CFAP61: variants seen among roughly 807,000 people sequenced by gnomAD.
CFAP61 encodes cilia and flagella associated protein 61.
In CFAP61, 107 loss-of-function variants were observed where a neutral mutation model predicts 135.6. That is an observed-to-expected ratio of 0.79 (90% CI 0.67 to 0.93). The LOEUF is 0.93. CFAP61 is among the 40% of genes least tolerant of loss of function. CFAP61 has a pLI of 0.00. For synonymous variants in CFAP61, 575 were observed against 578.5 expected (o/e 0.99, Z 0.09); for missense variants, 1,507 against 1,556.2 (o/e 0.97, Z 0.53).
At chr20:20,106,014 A>ATG (rs2048370779) in intron 8 of CFAP61, among the ~76,000 whole-genome samples, 2 of 26,482 alleles carry the variant, frequency 7.6e-5, no homozygotes, top group Non-Finnish European at 1.6e-4. Context: ...ATATATATAT[A>ATG]TATATATATA....
chr20:20,240,926 G>T (rs1330562707), intron 18 of CFAP61, among the ~76,000 whole-genome samples: 1 of 152,138 alleles, frequency 6.6e-6, no homozygotes, highest in Non-Finnish European at 1.5e-5. Flanking sequence ...GAGCTACCTT[G>T]AACCTGAGGT....
At chr20:20,118,998 AATGTGTT>A (rs1170256954) in intron 8 of CFAP61, among the ~76,000 whole-genome samples, 1 of 151,794 alleles carries the variant, frequency 6.6e-6, no homozygotes, top group African/African-American at 2.4e-5. Flanking sequence ...TGATATCTTT[AATGTGTT>A]ATGGAATTTG....
chr20:20,170,312 A>G (rs983464526), intron 13 of CFAP61, among the ~76,000 whole-genome samples: 2 of 152,234 alleles, frequency 1.3e-5, no homozygotes, highest in African/African-American at 2.4e-5. Context: ...ACCTGATTTT[A>G]TTAAAATGTA....
intron 17 of CFAP61, among the ~76,000 whole-genome samples, chr20:20,219,179 AC>A (rs1490735875): frequency 6.6e-6 from 1 of 152,186 alleles, no homozygotes; most frequent in Non-Finnish European, 1.5e-5. Flanking sequence ...GATAAAACTT[AC>A]CCACTCTGTC....
At chr20:20,294,598 A>T (rs1401214836) in intron 24 of CFAP61, among the ~76,000 whole-genome samples, 1 of 152,154 alleles carries the variant, frequency 6.6e-6, no homozygotes, top group African/African-American at 2.4e-5. Context: ...CTTACAGAGG[A>T]GGCCAAAATA....
At chr20:20,279,090 G>A (rs1301784945) in intron 22 of CFAP61, among the ~76,000 whole-genome samples, 1 of 152,190 alleles carries the variant, frequency 6.6e-6, no homozygotes, top group Non-Finnish European at 1.5e-5. Flanking sequence ...CTCTAGAGGT[G>A]AGTGTGTGCC....
chr20:20,281,786 G>A (rs561642586), intron 22 of CFAP61, among the ~76,000 whole-genome samples: 1 of 152,086 alleles, frequency 6.6e-6, no homozygotes, highest in East Asian at 1.9e-4. Context: ...AAAAATTCGG[G>A]CAATGTTCCC....
At chr20:20,169,519 C>T (rs1748462344) in intron 13 of CFAP61, 59 bp downstream of exon 13, 6 of 1,367,730 alleles carry the variant, frequency 4.4e-6, no homozygotes, top group Non-Finnish European at 5.8e-6. Flanking sequence ...GAGAAGGGAA[C>T]AAGGAACTCC....
intron 6 of CFAP61, among the ~76,000 whole-genome samples, chr20:20,081,195 A>G (rs1255978714): frequency 6.6e-6 from 1 of 152,230 alleles, no homozygotes; most frequent in Non-Finnish European, 1.5e-5. Context: ...ATGTTCCTAC[A>G]AAGTAGGCAA....
At chr20:20,134,643 T>C (rs555758280) in intron 8 of CFAP61, among the ~76,000 whole-genome samples, 1 of 152,312 alleles carries the variant, frequency 6.6e-6, no homozygotes, top group Admixed American at 6.5e-5. Context: ...GGAGGTATTT[T>C]AGATAATTAA....
intron 18 of CFAP61, among the ~76,000 whole-genome samples, chr20:20,235,108 C>A (rs1265130793): frequency 6.6e-6 from 1 of 152,080 alleles, no homozygotes; most frequent in Non-Finnish European, 1.5e-5. Flanking sequence ...ACTGGGGGAG[C>A]CGGAGGTGCT....
chr20:20,075,455 A>G, intron 5 of CFAP61, 34 bp from the exon 6 acceptor site: 1 of 1,610,436 alleles, frequency 6.2e-7, no homozygotes, highest in Non-Finnish European at 8.5e-7. Flanking sequence ...TTTCTTGATA[A>G]ATAAGGACAT....
At position 20,222,872 on chromosome 20, in the gene CFAP61, C is replaced by T. The variant is rs557668122; in HGVS notation, c.1933-5377C>T. Among the ~76,000 whole-genome samples, 16 of 152,122 alleles carry T rather than the reference C, an allele frequency of 1.1e-4. No homozygotes were observed. In the South Asian group the frequency reaches 2.7e-3, roughly 26 times the overall value. On this transcript the variant is annotated intron_variant, in intron 17 of 26. Transcript: ENST00000245957. ...ATTTGTTTTGCTCAAATTGGGAAAACGAGAGTTTCTCAAGGAGAAAAGAGA... is the reference window on the plus strand; with the variant it reads ...ATTTGTTTTGCTCAAATTGGGAAAATGAGAGTTTCTCAAGGAGAAAAGAGA...
At chr20:20,279,904 G>A (rs1470414337) in intron 22 of CFAP61, among the ~76,000 whole-genome samples, 1 of 152,094 alleles carries the variant, frequency 6.6e-6, no homozygotes, top group Non-Finnish European at 1.5e-5. Flanking sequence ...ATGGGAAGCG[G>A]GGAGTCAGGG....
intron 13 of CFAP61, among the ~76,000 whole-genome samples, chr20:20,177,466 C>T (rs1271152427): frequency 2.0e-5 from 3 of 151,752 alleles, no homozygotes; most frequent in Non-Finnish European, 4.4e-5. Flanking sequence ...CTGAAATTGA[C>T]GTCGATCACA....
chr20:20,198,237 GCA>G (rs1288107856), intron 16 of CFAP61, among the ~76,000 whole-genome samples: 1 of 152,158 alleles, frequency 6.6e-6, no homozygotes, highest in African/African-American at 2.4e-5. Flanking sequence ...TCCTGGTCCT[GCA>G]CAGTTTTCTT....
chr20:20,296,326 C>CCTTCCTTCCTTCCCT (rs1569260658), intron 24 of CFAP61, among the ~76,000 whole-genome samples: 624 of 34,632 alleles, frequency 0.018, 15 homozygotes, highest in African/African-American at 0.068. Context: ...CTCCTTCCTT[C>CCTTCCTTCCTTCCCT]CCTTCCTTCC....
At chr20:20,152,456 G>A (rs1212871802) in intron 9 of CFAP61, among the ~76,000 whole-genome samples, 1 of 152,160 alleles carries the variant, frequency 6.6e-6, no homozygotes, top group Non-Finnish European at 1.5e-5. Flanking sequence ...CACCAATCAA[G>A]TATCTGCTGT....
chr20:20,199,174 T>G (rs987665817), intron 16 of CFAP61, among the ~76,000 whole-genome samples: 2 of 152,258 alleles, frequency 1.3e-5, no homozygotes, highest in African/African-American at 4.8e-5. Context: ...ATGTAAATAA[T>G]ATGATCTACT....
Sources: gnomAD v4.1 joint callset for allele counts (sites outside exome capture counted in the v4.1 genomes callset) on GRCh38, gnomAD v4.1.1 for gene constraint, MANE v1.5 for transcripts, NCBI Gene and HGNC (gene_info 2026-07-23, HGNC 2026-07-21) for gene names.